Variants in TET3 observed in about 807,000 individuals in gnomAD.
TET3 encodes the protein tet methylcytosine dioxygenase 3.
In TET3, 19 loss-of-function variants were observed where a neutral mutation model predicts 141.4. The ratio of observed to expected loss-of-function variants is 0.13; its 90% CI spans 0.09 to 0.20. The LOEUF (loss-of-function observed/expected upper bound fraction) is 0.20, where lower values mean the gene tolerates loss of function less well. Among genes scored for constraint, TET3 ranks in the 10% least tolerant of loss-of-function variants. The pLI is 1.00. For synonymous variants in TET3, 1,043 were observed against 980.9 expected (o/e 1.06, Z -1.18); for missense variants, 1,874 against 2,356.9 (o/e 0.80, Z 4.24).
In TET3 at chr2:74,101,354, C is replaced by G; in HGVS notation, c.4566C>G (p.Thr1522=). 1.2e-6 allele frequency: 2 copies of G among 1,613,924 alleles called. No homozygotes were observed. The highest frequency in any genetic ancestry group is 2.2e-5 in the South Asian group (2 of 91,074). Residue 1522 remains threonine, a synonymous_variant, in exon 12 of 12, where the codon ACC becomes ACG. Coordinates refer to ENST00000409262, the MANE Select transcript of TET3 (RefSeq NM_001287491.2). The surrounding 1 kb of genome is among the most constrained non-coding windows in gnomAD (Gnocchi z 8.5). ...GCCCCTGCAAGTTTGGGAACAGCACCTCGGCCTTGGCTGGGCCCAGCCTGA... is the reference window on the plus strand; with the variant it reads ...GCCCCTGCAAGTTTGGGAACAGCACGTCGGCCTTGGCTGGGCCCAGCCTGA... ...PWSPCKFGNS[T]SALAGPSLTE...
the TET3 span, chr2:74,134,518 T>G: frequency 5.9e-6 from 2 of 336,876 alleles, no homozygotes; most frequent in Admixed American, 3.7e-5. Context: ...GGGAGGTACC[T>G]TCAGAACCAA....
At chr2:74,040,078 C>G (rs913148480) in intron 3 of TET3, among the ~76,000 whole-genome samples, 2 of 152,168 alleles carry the variant, frequency 1.3e-5, no homozygotes, top group East Asian at 3.8e-4. Context: ...CACAGTATGT[C>G]ACACGTATTA....
intron 3 of TET3, among the ~76,000 whole-genome samples, chr2:74,017,529 T>C (rs927175126): frequency 6.6e-6 from 1 of 152,224 alleles, no homozygotes; most frequent in East Asian, 1.9e-4. Flanking sequence ...ACTTAACATA[T>C]CCTCCAAGCT....
chr2:74,002,976 G>A, intron 2 of TET3, 134 bp from the exon 3 acceptor site: 2 of 889,916 alleles, frequency 2.2e-6, no homozygotes, highest in Non-Finnish European at 3.6e-6. Context: ...GTCCCAGATA[G>A]CCTTTCTTTC....
chr2:74,092,682 C>G (rs1012681582), intron 8 of TET3, among the ~76,000 whole-genome samples: 2 of 152,226 alleles, frequency 1.3e-5, no homozygotes, highest in African/African-American at 4.8e-5. Flanking sequence ...ACTAGACCTT[C>G]AGGCCGTGGC....
chr2:74,039,687 G>A (rs1687244052), intron 3 of TET3, among the ~76,000 whole-genome samples: 1 of 152,182 alleles, frequency 6.6e-6, no homozygotes, highest in Non-Finnish European at 1.5e-5. Flanking sequence ...CATAAAAGCT[G>A]GAGGTAACTT....
intron 11 of TET3, 70 bp downstream of exon 11, chr2:74,099,682 C>T (rs1691058542): frequency 6.4e-6 from 9 of 1,406,730 alleles, no homozygotes; most frequent in South Asian, 2.9e-5. Context: ...TGCTCTTCCA[C>T]GCACCCTCCT....
intron 2 of TET3, among the ~76,000 whole-genome samples, chr2:73,998,076 G>A (rs1395793106): frequency 1.3e-5 from 2 of 152,248 alleles, no homozygotes; most frequent in East Asian, 3.9e-4. Flanking sequence ...CTGGCGGCAG[G>A]GGTGTGGAAG....
chr2:74,131,699 T>C, the TET3 span, among the ~76,000 whole-genome samples: 4 of 152,154 alleles, frequency 2.6e-5, 1 homozygote, highest in African/African-American at 2.4e-5. Flanking sequence ...GCACACTGTT[T>C]TTAAAACGAC....
chr2:74,077,845 C>A (rs891511266), intron 5 of TET3, among the ~76,000 whole-genome samples: 1 of 152,220 alleles, frequency 6.6e-6, no homozygotes, highest in Admixed American at 6.5e-5. Flanking sequence ...AGGCTGTTCT[C>A]CCAACAGGGA....
At chr2:74,010,276 TC>T (rs1685361078) in intron 3 of TET3, among the ~76,000 whole-genome samples, 1 of 152,196 alleles carries the variant, frequency 6.6e-6, no homozygotes, top group Non-Finnish European at 1.5e-5. Context: ...CCCGTCACCT[TC>T]CAGATGCTGC....
chr2:74,053,695 C>T (rs907530180), intron 4 of TET3, among the ~76,000 whole-genome samples: 1 of 152,142 alleles, frequency 6.6e-6, no homozygotes, highest in Admixed American at 6.5e-5. Flanking sequence ...TGGCATTGTC[C>T]AGCGAATGTG....
chr2:74,111,597 G>C (rs1691706809), downstream of TET3, among the ~76,000 whole-genome samples: 3 of 152,266 alleles, frequency 2.0e-5, no homozygotes, highest in African/African-American at 7.2e-5. Context: ...TACAGATATG[G>C]ACTCCTCCCT....
intron 2 of TET3, among the ~76,000 whole-genome samples, chr2:73,995,522 A>G (rs996741106): frequency 6.6e-6 from 1 of 152,186 alleles, no homozygotes; most frequent in Non-Finnish European, 1.5e-5. Flanking sequence ...AGCGTGCCCT[A>G]CCTGAGCCCT....
rs1361421082 is a variant in TET3 at position 73,985,964 on chromosome 2, T to A, written c.-424-16T>A. 1.1e-4 allele frequency: 17 copies of A among 157,046 alleles called. No individual in the cohort carries two copies. The highest frequency in any genetic ancestry group is 1.8e-4 in the Non-Finnish European group (13 of 71,602). The allele number at this position is 157,046 out of a possible 1,614,324, so 9.7% of individuals were successfully genotyped here. A position where few individuals can be genotyped will look rare whatever the true frequency, so the allele number is the denominator to read the frequency against. The stretch of plus-strand genomic sequence containing the variant: ...TGAGCCCCGAGTGATGCGCTTCCCC[T>A]TTCTGTCTTTTTCAGGCAGCACTGC... On this transcript the variant is annotated splice_polypyrimidine_tract_variant and intron_variant, in intron 1 of 11. Coordinates refer to ENST00000409262, the MANE Select transcript of TET3 (RefSeq NM_001287491.2).
chr2:74,085,621 T>TC (rs1208034385), intron 6 of TET3, among the ~76,000 whole-genome samples: 2 of 152,184 alleles, frequency 1.3e-5, no homozygotes, highest in Non-Finnish European at 2.9e-5. Flanking sequence ...CCTAGTTCTC[T>TC]CACATGCGCA....
At chr2:73,999,036 A>G (rs1283889140) in intron 2 of TET3, among the ~76,000 whole-genome samples, 5 of 152,206 alleles carry the variant, frequency 3.3e-5, no homozygotes, top group Non-Finnish European at 7.3e-5. Flanking sequence ...GAAGACTGGT[A>G]TAATCAGAGA....
intron 4 of TET3, among the ~76,000 whole-genome samples, chr2:74,057,360 G>A (rs915606128): frequency 8.5e-5 from 13 of 152,256 alleles, no homozygotes; most frequent in African/African-American, 3.1e-4. Flanking sequence ...CAAAGGGCTT[G>A]GAGATGAAAT....
chr2:74,082,122 T>C (rs1004432428), intron 6 of TET3, among the ~76,000 whole-genome samples: 1 of 152,122 alleles, frequency 6.6e-6, no homozygotes, highest in Admixed American at 6.5e-5. Flanking sequence ...TCTTGGAGCA[T>C]AGGTAGAGTT....
Sources: allele counts gnomAD v4.1 joint callset (sites outside exome capture counted in the v4.1 genomes callset), GRCh38; gene constraint gnomAD v4.1.1; non-coding constraint Gnocchi (gnomAD v3.1); transcripts MANE v1.5; gene names NCBI Gene and HGNC (gene_info 2026-07-23, HGNC 2026-07-21).